PDS5B: variants seen among roughly 807,000 people sequenced by gnomAD.
The protein encoded by PDS5B is sister chromatid cohesion protein PDS5 homolog B.
A neutral mutation model predicts 184.1 loss-of-function variants in PDS5B; 51 were observed. That is an observed-to-expected ratio of 0.28 (90% CI 0.22 to 0.35). PDS5B has a LOEUF of 0.35. Among genes scored for constraint, PDS5B ranks in the 10% least tolerant of loss-of-function variants. The pLI is 1.00. For synonymous variants in PDS5B, 566 were observed against 569.2 expected (o/e 0.99, Z 0.08); for missense variants, 1,180 against 1,723.3 (o/e 0.68, Z 5.58).
chr13:32,587,733 C>T (rs2057712760), intron 1 of PDS5B, among the ~76,000 whole-genome samples: 1 of 152,212 alleles, frequency 6.6e-6, no homozygotes, highest in South Asian at 2.1e-4. Context: ...CGAGGGTTAA[C>T]CCTTTTTTAT....
At chr13:32,766,882 C>G (rs1302055919) in intron 31 of PDS5B, among the ~76,000 whole-genome samples, 2 of 152,070 alleles carry the variant, frequency 1.3e-5, no homozygotes, top group South Asian at 4.1e-4. Flanking sequence ...AATCATCTAC[C>G]TTTTTAGATC....
At chr13:32,605,806 C>T (rs181609439) in intron 1 of PDS5B, among the ~76,000 whole-genome samples, 1 of 151,890 alleles carries the variant, frequency 6.6e-6, no homozygotes, top group Non-Finnish European at 1.5e-5. Flanking sequence ...TTGAATCGAT[C>T]CCTTTACCAT....
intron 23 of PDS5B, among the ~76,000 whole-genome samples, chr13:32,744,615 A>G (rs1953680451): frequency 6.6e-6 from 1 of 152,216 alleles, no homozygotes; most frequent in Non-Finnish European, 1.5e-5. Context: ...TTAAGGATAG[A>G]TAACACAGGA....
intron 33 of PDS5B, chr13:32,771,088 A>AT (rs71775605): frequency 1.2e-3 from 208 of 179,970 alleles, no homozygotes; most frequent in Middle Eastern, 4.3e-3. Flanking sequence ...CCACACTACA[A>AT]TTTTTTTTTT....
chr13:32,681,182 G>A (rs1304126355), intron 10 of PDS5B, among the ~76,000 whole-genome samples: 1 of 152,204 alleles, frequency 6.6e-6, no homozygotes, highest in Non-Finnish European at 1.5e-5. Context: ...TGTTGTTACA[G>A]ATGAGGGCTT....
intron 3 of PDS5B, among the ~76,000 whole-genome samples, chr13:32,656,273 C>CTTTTTTTTTT (rs71071057): frequency 1.4e-3 from 137 of 96,764 alleles, no homozygotes; most frequent in African/African-American, 4.1e-3. Context: ...TCTCCAGCTT[C>CTTTTTTTTTT]TTTTTTTTTT....
In PDS5B at chr13:32,658,237, AG is replaced by A. The variant is rs778181106; in HGVS notation, c.313del. The stretch of plus-strand genomic sequence containing the variant: ...ATGGCACTTTGTCTTTTTTTATTTA[AG>A]GATATATTTATGTTTATAACAAGAC... On this transcript the variant is annotated splice_acceptor_variant, in intron 3 of 34. Coordinates refer to ENST00000315596, the MANE Select transcript of PDS5B (RefSeq NM_015032.4). LOFTEE classifies it high-confidence loss of function. 7.5e-7 allele frequency: 1 copy of A among 1,335,010 alleles called. No homozygotes were observed. The highest frequency in any genetic ancestry group is 1.1e-6 in the Non-Finnish European group (1 of 944,596). The allele number at this position is 1,335,010 out of a possible 1,614,324, so 82.7% of individuals were successfully genotyped here.
At chr13:32,750,783 C>G (rs990889654) in intron 24 of PDS5B, among the ~76,000 whole-genome samples, 3 of 151,984 alleles carry the variant, frequency 2.0e-5, no homozygotes, top group African/African-American at 7.3e-5. Context: ...CTCAGGTGAT[C>G]CACTTGCCTT....
At chr13:32,608,912 C>CA (rs1566243879) in intron 1 of PDS5B, among the ~76,000 whole-genome samples, 1 of 152,170 alleles carries the variant, frequency 6.6e-6, no homozygotes, top group African/African-American at 2.4e-5. Flanking sequence ...CTAGTGAACA[C>CA]AAATGTGGCT....
intron 1 of PDS5B, among the ~76,000 whole-genome samples, chr13:32,617,983 G>A (rs1317446574): frequency 2.6e-5 from 4 of 152,188 alleles, no homozygotes; most frequent in Non-Finnish European, 4.4e-5. Flanking sequence ...GCACTAGCAG[G>A]TTGTGTAGTC....
intron 1 of PDS5B, among the ~76,000 whole-genome samples, chr13:32,616,274 C>T (rs566512101): frequency 5.9e-5 from 9 of 151,658 alleles, no homozygotes; most frequent in South Asian, 4.2e-4. Context: ...AGGCTGGTCT[C>T]GAACTCCTGA....
chr13:32,770,732 G>T lies in PDS5B; in HGVS notation c.4143G>T (p.Thr1381=). 6.2e-7 allele frequency: 1 copy of T among 1,608,552 alleles called. No individual in the cohort carries two copies. Among genetic ancestry groups the T allele is most frequent in the Admixed American group, 1.7e-5 (1 of 59,856 alleles). ...PQKGRGRPSK[T]PSPSQPKKNV... is the part of the protein sequence containing the mutation. ...AAGGACGAGGAAGACCATCAAAAAC[G>T]CCATCACCATCACAACCAAAAAAAA... Residue 1381 remains threonine (T), a synonymous_variant, in exon 33 of 35, where the codon ACG becomes ACT. Coordinates refer to ENST00000315596, the MANE Select transcript of PDS5B (RefSeq NM_015032.4).
chr13:32,709,419 A>G (rs1041250732), intron 18 of PDS5B, among the ~76,000 whole-genome samples: 35 of 151,786 alleles, frequency 2.3e-4, no homozygotes, highest in African/African-American at 8.5e-4. Context: ...ATATAATCTA[A>G]TTTTTTATAT....
chr13:32,679,647 A>C (rs3135187), intron 10 of PDS5B, among the ~76,000 whole-genome samples: 15 of 151,332 alleles, frequency 9.9e-5, no homozygotes, highest in Non-Finnish European at 2.2e-4. Context: ...TCAAAAAAAA[A>C]AAAAAAATAA....
intron 13 of PDS5B, among the ~76,000 whole-genome samples, chr13:32,692,915 A>G (rs937769912): frequency 1.3e-5 from 2 of 151,954 alleles, no homozygotes; most frequent in African/African-American, 2.4e-5. Flanking sequence ...TATTTAAGCT[A>G]TAGCCATAAC....
In PDS5B at chr13:32,755,922, G is replaced by T; in HGVS notation, c.3022G>T (p.Val1008Leu). 6.3e-7 allele frequency: 1 copy of T among 1,577,506 alleles called. No homozygotes were observed. Among genetic ancestry groups the T allele is most frequent in the African/African-American group, 1.4e-5 (1 of 74,020 alleles). Residue 1008 changes from valine (V) to leucine (L), a missense_variant, in exon 26 of 35, where the codon GTA becomes TTA. Around this residue, in one of 11 missense-constraint regions of PDS5B, gnomAD observed 57 missense variants for 80.9 expected, o/e 0.70. Coordinates refer to ENST00000315596, the MANE Select transcript of PDS5B (RefSeq NM_015032.4). ...LLAHDPDYVK[V>L]QDIEQLKDVK... is the part of the protein sequence containing the mutation. The stretch of plus-strand genomic sequence containing the variant: ...GGCACATGACCCAGATTATGTCAAA[G>T]TACAGGATATTGAACAACTTAAAGA...
intron 19 of PDS5B, among the ~76,000 whole-genome samples, chr13:32,718,301 C>A (rs1200867692): frequency 6.6e-6 from 1 of 152,084 alleles, no homozygotes; most frequent in African/African-American, 2.4e-5. Flanking sequence ...CAGGCGCCCG[C>A]CACCATGCCC....
intron 3 of PDS5B, among the ~76,000 whole-genome samples, chr13:32,654,986 C>T (rs1421365380): frequency 2.0e-5 from 3 of 152,092 alleles, no homozygotes; most frequent in Admixed American, 2.0e-4. Flanking sequence ...CTGCTACGAA[C>T]ATATGCATAC....
At chr13:32,651,158 T>G (rs1454246671) in intron 2 of PDS5B, among the ~76,000 whole-genome samples, 1 of 152,228 alleles carries the variant, frequency 6.6e-6, no homozygotes, top group East Asian at 1.9e-4. Flanking sequence ...GAACCATTTC[T>G]TTTAGCTTCC....
Sources: gnomAD v4.1 joint callset for allele counts (sites outside exome capture counted in the v4.1 genomes callset) on GRCh38, gnomAD v4.1.1 for gene constraint, gnomAD v4.1.1 regional missense constraint, MANE v1.5 for transcripts, NCBI Gene and HGNC (gene_info 2026-07-23, HGNC 2026-07-21) for gene names.